The following RORA variants were observed in gnomAD, a reference collection of about 807,000 sequenced individuals.
The protein encoded by RORA is nuclear receptor ROR-alpha.
A neutral mutation model predicts 69.5 loss-of-function variants in RORA; 7 were observed. The observed-to-expected ratio is 0.10, with a 90% CI of 0.06 to 0.19. RORA has a LOEUF of 0.19. RORA is among the 10% of genes least tolerant of loss of function. RORA has a pLI of 1.00. For synonymous variants in RORA, 261 were observed against 240.8 expected (o/e 1.08, Z -0.78); for missense variants, 457 against 663.0 (o/e 0.69, Z 3.41).
chr15:60,792,026 T>G (rs905791280), intron 1 of RORA, among the ~76,000 whole-genome samples: 1 of 152,076 alleles, frequency 6.6e-6, no homozygotes. Flanking sequence ...GAAGCCATTA[T>G]AAATATGTTC....
intron 2 of RORA, among the ~76,000 whole-genome samples, chr15:60,633,187 T>A (rs2069773430): frequency 6.6e-6 from 1 of 152,210 alleles, no homozygotes; most frequent in Non-Finnish European, 1.5e-5. Flanking sequence ...ACCTATAAAG[T>A]GACAGCAGCA....
At chr15:60,509,794 A>AG in intron 5 of RORA, among the ~76,000 whole-genome samples, 1 of 6,214 alleles carries the variant, frequency 1.6e-4, no homozygotes, top group East Asian at 0.25. Context: ...CTAGTTCAAG[A>AG]AAAAAAAAAA....
chr15:61,134,557 A>C (rs2079219399), intron 1 of RORA, among the ~76,000 whole-genome samples: 1 of 152,196 alleles, frequency 6.6e-6, no homozygotes. Flanking sequence ...AACCCATTAA[A>C]AATGCTGCAA....
intron 1 of RORA, among the ~76,000 whole-genome samples, chr15:61,134,884 T>G (rs1238386698): frequency 2.0e-5 from 3 of 152,042 alleles, no homozygotes; most frequent in African/African-American, 7.2e-5. Context: ...GCCTATAGAA[T>G]CATAGACCCT....
intron 1 of RORA, among the ~76,000 whole-genome samples, chr15:61,188,650 T>A (rs900169773): frequency 7.2e-5 from 11 of 152,040 alleles, no homozygotes; most frequent in Non-Finnish European, 1.2e-4. Context: ...AATAATAATT[T>A]AAATAAATAA....
chr15:60,920,670 C>A (rs11639075), intron 1 of RORA, among the ~76,000 whole-genome samples: 4 of 152,062 alleles, frequency 2.6e-5, no homozygotes, highest in African/African-American at 9.7e-5. Context: ...TATTGTTCAT[C>A]CTCAAAGATG....
At chr15:61,210,000 A>G (rs943443537) in intron 1 of RORA, among the ~76,000 whole-genome samples, 3 of 152,174 alleles carry the variant, frequency 2.0e-5, no homozygotes, top group Non-Finnish European at 4.4e-5. Flanking sequence ...ACTTTCTAAA[A>G]TGTACTTCAG....
intron 2 of RORA, among the ~76,000 whole-genome samples, chr15:60,555,432 A>G (rs1406243636): frequency 1.3e-5 from 2 of 152,166 alleles, no homozygotes; most frequent in Non-Finnish European, 2.9e-5. Context: ...TGCTGTTCAC[A>G]ATAACGCTTT....
intron 1 of RORA, among the ~76,000 whole-genome samples, chr15:61,207,144 A>T (rs1340013897): frequency 6.6e-6 from 1 of 152,170 alleles, no homozygotes; most frequent in Non-Finnish European, 1.5e-5. Flanking sequence ...ACACACATGC[A>T]TATATACACA....
intron 1 of RORA, among the ~76,000 whole-genome samples, chr15:60,822,090 G>A (rs2140379908): frequency 6.6e-6 from 1 of 152,328 alleles, no homozygotes; most frequent in East Asian, 1.9e-4. Flanking sequence ...AACTGAGGGT[G>A]AGAGCAATGA....
At chr15:60,508,242 G>A (rs2065576991) in intron 5 of RORA, among the ~76,000 whole-genome samples, 1 of 152,116 alleles carries the variant, frequency 6.6e-6, no homozygotes, top group African/African-American at 2.4e-5. Flanking sequence ...ATAATCTATA[G>A]TCTACCTCAC....
chr15:61,104,693 G>T (rs1222880608), intron 1 of RORA, among the ~76,000 whole-genome samples: 2 of 152,154 alleles, frequency 1.3e-5, no homozygotes, highest in African/African-American at 4.8e-5. Context: ...CAAAAAAGCA[G>T]GTAGAGTTCC....
chr15:60,556,735 T>C (rs2067372397), intron 2 of RORA: 2 of 759,742 alleles, frequency 2.6e-6, no homozygotes, highest in South Asian at 3.4e-5. Flanking sequence ...GCTTCCCCTT[T>C]CTCTTCATCA....
At chr15:61,042,532 G>C (rs1249310631) in intron 1 of RORA, among the ~76,000 whole-genome samples, 1 of 152,192 alleles carries the variant, frequency 6.6e-6, no homozygotes, top group Non-Finnish European at 1.5e-5. Context: ...CTCAAGAGCT[G>C]CTAGCCCTTT....
At chr15:61,187,495 G>A (rs1484081308) in intron 1 of RORA, among the ~76,000 whole-genome samples, 1 of 152,168 alleles carries the variant, frequency 6.6e-6, no homozygotes, top group Non-Finnish European at 1.5e-5. Flanking sequence ...AAACCAAGAG[G>A]AGGAGGAGGG....
At chr15:61,065,534 CA>C (rs201749952) in intron 1 of RORA, among the ~76,000 whole-genome samples, 4 of 151,026 alleles carry the variant, frequency 2.6e-5, no homozygotes, top group Non-Finnish European at 4.4e-5. Context: ...GGGAATAAAA[CA>C]AAAAAAAGGT....
At chr15:60,767,185 T>A (rs1224505505) in intron 1 of RORA, among the ~76,000 whole-genome samples, 1 of 152,162 alleles carries the variant, frequency 6.6e-6, no homozygotes, top group Non-Finnish European at 1.5e-5. Flanking sequence ...TTAGTTGGGA[T>A]ATATATTTTT....
chr15:60,804,142 G>C (rs1008227174), intron 1 of RORA, among the ~76,000 whole-genome samples: 19 of 152,064 alleles, frequency 1.2e-4, no homozygotes, highest in African/African-American at 4.6e-4. Context: ...TACAAAATTA[G>C]CCAGGCGTGG....
At chr15:60,984,360 T>G (rs537937673) in intron 1 of RORA, among the ~76,000 whole-genome samples, 14 of 151,892 alleles carry the variant, frequency 9.2e-5, no homozygotes, top group African/African-American at 3.1e-4. Flanking sequence ...AAAAGAATCG[T>G]GACAATAGTA....
Sources: allele counts gnomAD v4.1 joint callset (sites outside exome capture counted in the v4.1 genomes callset), GRCh38; gene constraint gnomAD v4.1.1; transcripts MANE v1.5; gene names NCBI Gene and HGNC (gene_info 2026-07-23, HGNC 2026-07-21).